The following PRDM5 variants were observed in gnomAD, a reference collection of about 807,000 sequenced individuals.
The protein encoded by PRDM5 is PR/SET domain 5, also known as PR domain zinc finger protein 5.
PRDM5 carries 56 observed loss-of-function variants against 81.2 expected under a neutral mutation model. That is an observed-to-expected ratio of 0.69 (90% CI 0.56 to 0.86). The LOEUF is 0.86. PRDM5 is among the 40% of genes least tolerant of loss of function. PRDM5 has a pLI of 0.00. For synonymous variants in PRDM5, 267 were observed against 256.4 expected (o/e 1.04, Z -0.39); for missense variants, 697 against 770.1 (o/e 0.91, Z 1.12).
chr4:120,695,014 T>C lies in PRDM5; in HGVS notation c.*97A>G. The stretch of plus-strand genomic sequence containing the variant: ...AAATAAGAACTATGAGACCAGTAAG[T>C]CACTTTTGGCTACTTCTGTTATGCT... On this transcript the variant is annotated 3_prime_UTR_variant, in exon 16 of 16. Transcript: ENST00000264808. 7.2e-7 allele frequency: 1 copy of C among 1,389,610 alleles called. No individual in the cohort carries two copies. The highest frequency in any genetic ancestry group is 1.7e-5 in the Admixed American group (1 of 59,392). The allele number at this position is 1,389,610 out of a possible 1,614,324, so 86.1% of individuals were successfully genotyped here.
chr4:120,782,505 C>G (rs545162495), intron 11 of PRDM5, among the ~76,000 whole-genome samples: 1 of 152,008 alleles, frequency 6.6e-6, no homozygotes, highest in Admixed American at 6.6e-5. Flanking sequence ...AAATTACCTT[C>G]TCTTTGTCTT....
intron 4 of PRDM5, 76 bp from the exon 5 acceptor site, chr4:120,818,603 A>AAATT (rs1223973264): frequency 1.6e-6 from 2 of 1,247,722 alleles, no homozygotes; most frequent in Non-Finnish European, 2.3e-6. Context: ...CTCTCATTTT[A>AAATT]AATTAATTAA....
chr4:120,922,206 C>T (rs1725032232), intron 1 of PRDM5, among the ~76,000 whole-genome samples: 1 of 152,228 alleles, frequency 6.6e-6, no homozygotes, highest in Admixed American at 6.5e-5. Context: ...GCCGCGCTCA[C>T]TTCCTGCGGG....
intron 15 of PRDM5, among the ~76,000 whole-genome samples, chr4:120,698,735 T>G (rs1016481530): frequency 6.6e-6 from 1 of 152,170 alleles, no homozygotes; most frequent in South Asian, 2.1e-4. Flanking sequence ...ACTGTAAATG[T>G]GGCAGTCAAC....
rs138944249 is a variant in PRDM5 at position 120,809,575 on chromosome 4, C to A, written c.945+1795G>T. Among the ~76,000 whole-genome samples, 471 of 151,930 alleles carry A rather than the reference C, an allele frequency of 3.1e-3. 3 individuals are homozygous for A. Among genetic ancestry groups the A allele is most frequent in the African/African-American group, 0.011 (464 of 41,412 alleles). ...GGTAATATTTTAAAATTTGAACTCCCAAATTATTTTCAAGAAGAATCATAA... is the reference window on the plus strand; with the variant it reads ...GGTAATATTTTAAAATTTGAACTCCAAAATTATTTTCAAGAAGAATCATAA... On this transcript the variant is annotated intron_variant, in intron 8 of 15. Transcript: ENST00000264808.
intron 10 of PRDM5, among the ~76,000 whole-genome samples, chr4:120,797,980 T>A (rs1751563720): frequency 6.6e-6 from 1 of 152,106 alleles, no homozygotes; most frequent in Non-Finnish European, 1.5e-5. Context: ...CATCAAAGTT[T>A]ATGGAAAGAA....
intron 15 of PRDM5, among the ~76,000 whole-genome samples, chr4:120,704,257 A>AGCTGTTT (rs1202366871): frequency 3.9e-5 from 6 of 152,208 alleles, no homozygotes; most frequent in African/African-American, 1.4e-4. Context: ...AGACATTAAA[A>AGCTGTTT]GCTGTTTTCA....
chr4:120,686,447 T>A (rs1733836805), intron 1 of PRDM5, among the ~76,000 whole-genome samples: 1 of 152,134 alleles, frequency 6.6e-6, no homozygotes, highest in Non-Finnish European at 1.5e-5. Context: ...GTTCAGGATA[T>A]TTCGTGCTTC....
chr4:120,706,461 A>T (rs1463604830), intron 15 of PRDM5, among the ~76,000 whole-genome samples: 2 of 152,122 alleles, frequency 1.3e-5, no homozygotes, highest in East Asian at 3.9e-4. Context: ...GATATGGGAA[A>T]TCAAAAGGAT....
At chr4:120,713,462 T>C (rs773683144) in intron 14 of PRDM5, among the ~76,000 whole-genome samples, 1 of 152,210 alleles carries the variant, frequency 6.6e-6, no homozygotes, top group African/African-American at 2.4e-5. Flanking sequence ...TACTTGACTA[T>C]ATTTCCAACA....
At chr4:120,735,338 C>T (rs1740954473) in intron 14 of PRDM5, among the ~76,000 whole-genome samples, 1 of 152,122 alleles carries the variant, frequency 6.6e-6, no homozygotes. Flanking sequence ...CTTAAATAAT[C>T]CTTTCAAATG....
chr4:120,809,366 C>T (rs963149649), intron 8 of PRDM5, among the ~76,000 whole-genome samples: 6 of 151,730 alleles, frequency 4.0e-5, no homozygotes, highest in Admixed American at 3.9e-4. Context: ...ACGTTGTGCA[C>T]ATGTTCCCTA....
At chr4:120,779,308 A>C (rs1748658973) in intron 12 of PRDM5, among the ~76,000 whole-genome samples, 1 of 152,172 alleles carries the variant, frequency 6.6e-6, no homozygotes, top group South Asian at 2.1e-4. Flanking sequence ...GCTCACTTTA[A>C]GAATACTGAA....
chr4:120,917,679 TAA>T (rs59237440), intron 1 of PRDM5, among the ~76,000 whole-genome samples: 125,538 of 142,834 alleles, frequency 0.88, 55,357 homozygotes, highest in Non-Finnish European at 0.93. Context: ...AGTCAGACAT[TAA>T]AAAAAAAAAA....
chr4:120,877,661 T>C (rs1318867125), intron 2 of PRDM5, among the ~76,000 whole-genome samples: 1 of 152,086 alleles, frequency 6.6e-6, no homozygotes, highest in Non-Finnish European at 1.5e-5. Flanking sequence ...AAAAATTAGC[T>C]GGGCATGGTG....
At chr4:120,865,760 C>T (rs1761138430) in intron 2 of PRDM5, among the ~76,000 whole-genome samples, 1 of 152,172 alleles carries the variant, frequency 6.6e-6, no homozygotes, top group Admixed American at 6.5e-5. Context: ...TCCTCATACA[C>T]TGATCTCCGG....
chr4:120,725,928 A>C (rs1233076780), intron 14 of PRDM5, among the ~76,000 whole-genome samples: 2 of 152,032 alleles, frequency 1.3e-5, no homozygotes, highest in African/African-American at 4.8e-5. Context: ...CTAAATAGTC[A>C]CAGTCTAGCA....
At chr4:120,835,810 A>G (rs1757287369) in intron 3 of PRDM5, among the ~76,000 whole-genome samples, 1 of 152,172 alleles carries the variant, frequency 6.6e-6, no homozygotes, top group South Asian at 2.1e-4. Flanking sequence ...AATATAAGCT[A>G]TAAAGGCGAA....
chr4:120,835,365 T>C (rs1265703668), intron 3 of PRDM5, among the ~76,000 whole-genome samples: 2 of 152,198 alleles, frequency 1.3e-5, no homozygotes, highest in African/African-American at 4.8e-5. Flanking sequence ...TGTGTGTGCA[T>C]GCACATGTGT....
Sources: gnomAD v4.1 joint callset for allele counts (sites outside exome capture counted in the v4.1 genomes callset) on GRCh38, gnomAD v4.1.1 for gene constraint, MANE v1.5 for transcripts, NCBI Gene and HGNC (gene_info 2026-07-23, HGNC 2026-07-21) for gene names.